ASIC2: variants seen among roughly 807,000 people sequenced by gnomAD.
The protein encoded by ASIC2 is acid sensing ion channel subunit 2.
ASIC2 carries 25 observed loss-of-function variants against 57.3 expected under a neutral mutation model. The ratio of observed to expected loss-of-function variants is 0.44; its 90% CI spans 0.32 to 0.61. ASIC2 has a LOEUF of 0.61. ASIC2 is among the 20% of genes least tolerant of loss of function. The pLI is 0.06. For missense variants in ASIC2, 641 were observed against 738.1 expected, an observed-to-expected ratio of 0.87 and a Z score of 1.52; for synonymous variants, 319 against 307.5, an observed-to-expected ratio of 1.04 and a Z score of -0.39.
chr17:34,086,516 T>C (rs2142083620), intron 1 of ASIC2, among the ~76,000 whole-genome samples: 1 of 152,150 alleles, frequency 6.6e-6, no homozygotes, highest in African/African-American at 2.4e-5. Flanking sequence ...GTATATTCTG[T>C]TGATTTGGGG....
At chr17:33,061,045 C>T (rs1009680461) in intron 3 of ASIC2, among the ~76,000 whole-genome samples, 2 of 152,282 alleles carry the variant, frequency 1.3e-5, no homozygotes, top group African/African-American at 2.4e-5. Flanking sequence ...TGCTTATCAG[C>T]TTAAGGAGAT....
chr17:33,694,455 T>G (rs1397772181), intron 1 of ASIC2, among the ~76,000 whole-genome samples: 1 of 152,168 alleles, frequency 6.6e-6, no homozygotes, highest in Non-Finnish European at 1.5e-5. Flanking sequence ...TTCCCACAAG[T>G]GTTAATACTT....
At chr17:33,171,139 T>A (rs555800060) in intron 1 of ASIC2, among the ~76,000 whole-genome samples, 4 of 152,220 alleles carry the variant, frequency 2.6e-5, no homozygotes, top group Non-Finnish European at 4.4e-5. Flanking sequence ...AGCAAGATGG[T>A]ACCGGGAATT....
chr17:34,100,098 C>G (rs528383296), intron 1 of ASIC2, among the ~76,000 whole-genome samples: 3 of 152,174 alleles, frequency 2.0e-5, no homozygotes, highest in African/African-American at 7.2e-5. Context: ...CTGCAGACCA[C>G]CAAAGAGCAG....
intron 1 of ASIC2, among the ~76,000 whole-genome samples, chr17:33,253,522 T>A (rs938092775): frequency 6.6e-6 from 1 of 152,244 alleles, no homozygotes; most frequent in Non-Finnish European, 1.5e-5. Context: ...TTTCTTGCAT[T>A]TCTTTTCTTT....
chr17:33,409,571 TA>T (rs1910584138), intron 1 of ASIC2, among the ~76,000 whole-genome samples: 1 of 152,212 alleles, frequency 6.6e-6, no homozygotes, highest in South Asian at 2.1e-4. Context: ...CCTATTCTCT[TA>T]TTCCCTCACC....
At chr17:33,083,614 C>T (rs2092122422) in intron 3 of ASIC2, among the ~76,000 whole-genome samples, 1 of 152,128 alleles carries the variant, frequency 6.6e-6, no homozygotes, top group Admixed American at 6.5e-5. Flanking sequence ...GTGAATAGGC[C>T]TTTGCCAGGT....
intron 1 of ASIC2, among the ~76,000 whole-genome samples, chr17:33,454,159 C>T (rs1331144141): frequency 6.6e-6 from 1 of 152,114 alleles, no homozygotes; most frequent in African/African-American, 2.4e-5. Context: ...TTTACTTGTC[C>T]CCAGCCTCTG....
Position 33,979,692 on chromosome 17 carries a change from C to G in ASIC2, c.555+176286G>C, listed in dbSNP as rs112909723. On this transcript the variant is annotated intron_variant, in intron 1 of 9. Coordinates refer to the ASIC2 transcript ENST00000359872. ...AGCATTCTGCAGAGCTAGAGTGAAC[C>G]ATGTTGGCCATTGTGAAAGTACAAA... Among the ~76,000 whole-genome samples, 498 of 152,256 alleles carry G rather than the reference C, an allele frequency of 3.3e-3. 6 individuals are homozygous for G. Among genetic ancestry groups the G allele is most frequent in the African/African-American group, 0.011 (476 of 41,554 alleles).
At chr17:33,120,266 T>C (rs1295043833) in intron 1 of ASIC2, among the ~76,000 whole-genome samples, 1 of 152,214 alleles carries the variant, frequency 6.6e-6, no homozygotes, top group Non-Finnish European at 1.5e-5. Flanking sequence ...TCTAGTCTCC[T>C]GCTTCCAAGA....
intron 1 of ASIC2, among the ~76,000 whole-genome samples, chr17:33,388,086 A>G (rs111312481): frequency 1.3e-3 from 93 of 72,366 alleles, no homozygotes; most frequent in African/African-American, 3.7e-3. Context: ...TCTCAAAAAA[A>G]CAAAGCAAAG....
At chr17:33,915,360 GT>G (rs1392937808) in intron 1 of ASIC2, among the ~76,000 whole-genome samples, 1 of 152,208 alleles carries the variant, frequency 6.6e-6, no homozygotes, top group East Asian at 1.9e-4. Flanking sequence ...CTCCAGGGCT[GT>G]TCCTGCTCTC....
chr17:33,161,903 T>C (rs1905175034), intron 1 of ASIC2, among the ~76,000 whole-genome samples: 1 of 148,510 alleles, frequency 6.7e-6, no homozygotes, highest in Non-Finnish European at 1.5e-5. Context: ...AAACTGTGCT[T>C]TTAAGTACAC....
At chr17:33,949,327 C>A (rs1945499295) in intron 1 of ASIC2, among the ~76,000 whole-genome samples, 1 of 152,118 alleles carries the variant, frequency 6.6e-6, no homozygotes, top group South Asian at 2.1e-4. Context: ...TCACACTGCC[C>A]CCTAGCTGTT....
chr17:34,119,679 C>T (rs542741564), intron 1 of ASIC2, among the ~76,000 whole-genome samples: 1 of 152,024 alleles, frequency 6.6e-6, no homozygotes, highest in East Asian at 1.9e-4. Context: ...GCCCACTCCC[C>T]CTCTCTATGA....
intron 1 of ASIC2, among the ~76,000 whole-genome samples, chr17:33,371,347 C>A (rs1410850191): frequency 2.6e-5 from 4 of 152,170 alleles, no homozygotes; most frequent in African/African-American, 9.7e-5. Flanking sequence ...GGTTCAAATG[C>A]CTCTGACACA....
At chr17:33,697,470 A>G (rs1001084592) in intron 1 of ASIC2, among the ~76,000 whole-genome samples, 12 of 152,216 alleles carry the variant, frequency 7.9e-5, no homozygotes, top group African/African-American at 2.9e-4. Flanking sequence ...GTATTTGTGA[A>G]GAATGTGTCA....
intron 1 of ASIC2, among the ~76,000 whole-genome samples, chr17:34,011,641 C>T (rs1906766235): frequency 6.6e-6 from 1 of 152,188 alleles, no homozygotes; most frequent in Non-Finnish European, 1.5e-5. Context: ...TCCACTCCTC[C>T]CAGCACTCCT....
chr17:33,162,355 T>C (rs542918315), intron 1 of ASIC2, among the ~76,000 whole-genome samples: 2 of 152,264 alleles, frequency 1.3e-5, no homozygotes, highest in African/African-American at 4.8e-5. Flanking sequence ...CATCGCCACA[T>C]AAATCTCCTC....
Sources: gnomAD v4.1 joint callset for allele counts (sites outside exome capture counted in the v4.1 genomes callset) on GRCh38, gnomAD v4.1.1 for gene constraint, MANE v1.5 for transcripts, NCBI Gene and HGNC (gene_info 2026-07-23, HGNC 2026-07-21) for gene names.